PPP1CB: variants seen among roughly 807,000 people sequenced by gnomAD.
PPP1CB encodes serine/threonine-protein phosphatase PP1-beta catalytic subunit.
Under a neutral mutation model 43.7 loss-of-function variants are expected in PPP1CB, and 2 were observed. The observed-to-expected ratio is 0.05, with a 90% CI of 0.02 to 0.14. PPP1CB has a LOEUF of 0.14. PPP1CB is among the 10% of genes least tolerant of loss of function. PPP1CB has a pLI of 1.00. For synonymous variants in PPP1CB, 136 were observed against 135.6 expected (o/e 1.00, Z -0.02); for missense variants, 84 against 398.0 (o/e 0.21, Z 6.71).
At chr2:28,796,253 A>T (rs1182092587) in intron 7 of PPP1CB, among the ~76,000 whole-genome samples, 1 of 152,150 alleles carries the variant, frequency 6.6e-6, no homozygotes, top group Non-Finnish European at 1.5e-5. Context: ...CTTTTTGCTT[A>T]GGATGCTTTG....
intron 1 of PPP1CB, among the ~76,000 whole-genome samples, chr2:28,766,722 A>G (rs916919315): frequency 6.6e-6 from 1 of 152,096 alleles, no homozygotes; most frequent in Non-Finnish European, 1.5e-5. Flanking sequence ...ATTGTTTACT[A>G]ATTTTGCTCC....
At chr2:28,782,124 T>C (rs1362349112) in intron 4 of PPP1CB, 2 of 376,006 alleles carry the variant, frequency 5.3e-6, no homozygotes, top group East Asian at 5.9e-5. Flanking sequence ...ACACCCCTGC[T>C]ATTTATTAGT....
intron 2 of PPP1CB, among the ~76,000 whole-genome samples, chr2:28,777,576 T>G (rs994471280): frequency 6.6e-6 from 1 of 152,250 alleles, no homozygotes; most frequent in African/African-American, 2.4e-5. Flanking sequence ...AGTTTTACAG[T>G]GACTTTTTTA....
Position 28,778,888 on chromosome 2 carries a change from C to A in PPP1CB, c.264C>A (p.Phe88Leu). ...TCCCACCAGAAGCCAACTATCTTTT[C>A]TTAGGAGATTATGTGGACAGAGGAA... Reference protein sequence around the residue: ...GGFPPEANYLFLGDYVDRGKQ... With the variant: ...GGFPPEANYLLLGDYVDRGKQ... Residue 88 changes from phenylalanine to leucine, a missense_variant, in exon 3 of 8, where the codon TTC (phenylalanine) becomes TTA (leucine). Phe to Leu is a conservative substitution (Grantham distance 22). Around this residue, in one of 5 missense-constraint regions of PPP1CB, gnomAD observed 28 missense variants for 234.2 expected, o/e 0.12. Transcript: ENST00000395366. The A allele has an allele frequency of 6.2e-7, 1 of 1,610,534 alleles. No homozygotes were observed. Among genetic ancestry groups the A allele is most frequent in the Non-Finnish European group, 8.5e-7 (1 of 1,176,762 alleles).
At position 28,779,005 on chromosome 2, in the gene PPP1CB, T is replaced by G. The variant is rs1558305353; in HGVS notation, c.381T>G (p.Ala127=). The G allele has an allele frequency of 6.2e-7, 1 of 1,604,090 alleles. No individual in the cohort carries two copies. Among genetic ancestry groups the G allele is most frequent in the Non-Finnish European group, 8.5e-7 (1 of 1,171,462 alleles). ...TCTTAAGAGGAAACCATGAGTGTGC[T>G]AGCATCAATCGCATTTATGGATTCT... ...FFLLRGNHEC[A]SINRIYGFYD... The change falls in exon 3 of 8, where the codon GCT becomes GCG. Residue 127 remains alanine (A), a synonymous_variant. Coordinates refer to ENST00000395366, the MANE Select transcript of PPP1CB (RefSeq NM_002709.3).
At chr2:28,765,243 G>C (rs980987054) in intron 1 of PPP1CB, among the ~76,000 whole-genome samples, 1 of 152,172 alleles carries the variant, frequency 6.6e-6, no homozygotes, top group African/African-American at 2.4e-5. Context: ...CAAAGTTAAT[G>C]TTCTCTGTCA....
intron 5 of PPP1CB, among the ~76,000 whole-genome samples, chr2:28,784,526 C>T (rs1667220579): frequency 6.6e-6 from 1 of 151,942 alleles, no homozygotes; most frequent in Non-Finnish European, 1.5e-5. Flanking sequence ...TTCTGAGTAG[C>T]TAGGGGACTC....
chr2:28,797,049 G>T (rs568261140), intron 7 of PPP1CB, among the ~76,000 whole-genome samples: 3 of 152,194 alleles, frequency 2.0e-5, no homozygotes, highest in African/African-American at 7.2e-5. Context: ...TATGGTGTTT[G>T]TTTTTAATTT....
rs959640006 is a variant in PPP1CB, at chr2:28,759,014, T to C, written c.52+6838T>C. ...CAGTTGCAAGGTGACCAAAACACTTTCTTGGTTTGAGTATAGTCATATGTT... is the reference window on the plus strand; with the variant it reads ...CAGTTGCAAGGTGACCAAAACACTTCCTTGGTTTGAGTATAGTCATATGTT... On this transcript the variant is annotated intron_variant, in intron 1 of 7. Transcript: ENST00000395366. 5.9e-5 allele frequency among the ~76,000 whole-genome samples: 9 copies of C among 152,322 alleles called. No individual in the cohort carries two copies. The East Asian group carries it at 1.4e-3, about 23-fold the overall frequency.
intron 1 of PPP1CB, among the ~76,000 whole-genome samples, chr2:28,772,767 T>A (rs745647319): frequency 7.9e-5 from 12 of 152,194 alleles, no homozygotes; most frequent in Non-Finnish European, 1.6e-4. Flanking sequence ...TAAGCATCCG[T>A]AATCTGATAA....
chr2:28,754,338 G>T (rs573432959), intron 1 of PPP1CB, among the ~76,000 whole-genome samples: 3 of 71,952 alleles, frequency 4.2e-5, no homozygotes, highest in Non-Finnish European at 9.4e-5. Flanking sequence ...TTCCTTTTTT[G>T]GGGGGGCGGG....
intron 6 of PPP1CB, among the ~76,000 whole-genome samples, chr2:28,791,714 G>C (rs1558310572): frequency 6.6e-6 from 1 of 152,074 alleles, no homozygotes; most frequent in Non-Finnish European, 1.5e-5. Flanking sequence ...GAATTGCTAA[G>C]TTTCCTAACT....
At chr2:28,786,402 C>G (rs1428843386) in intron 5 of PPP1CB, among the ~76,000 whole-genome samples, 1 of 152,138 alleles carries the variant, frequency 6.6e-6, no homozygotes, top group Non-Finnish European at 1.5e-5. Flanking sequence ...GCGTGAGCCA[C>G]CATACCTGGC....
chr2:28,766,801 A>G (rs6709674), intron 1 of PPP1CB, among the ~76,000 whole-genome samples: 83,875 of 152,082 alleles, frequency 0.55, 23,597 homozygotes, highest in Middle Eastern at 0.62. Context: ...TTATTGTCTC[A>G]GCTGGGGTGG....
Position 28,799,369 on chromosome 2 carries a change from C to T in PPP1CB, c.*66C>T. The stretch of plus-strand genomic sequence containing the variant: ...ACATACTTCATAATATATAAGTGTG[C>T]ACTGTAAAACCATCCAGCCATTTGA... On this transcript the variant is annotated 3_prime_UTR_variant, in exon 8 of 8. Coordinates refer to ENST00000395366, the MANE Select transcript of PPP1CB (RefSeq NM_002709.3). 1 of 1,272,224 alleles carries T rather than the reference C, an allele frequency of 7.9e-7. No individual in the cohort carries two copies. Among genetic ancestry groups the T allele is most frequent in the Non-Finnish European group, 1.1e-6 (1 of 887,002 alleles). 78.8% of individuals were successfully genotyped at this position (1,272,224 alleles called of 1,614,324 possible). A position where few individuals can be genotyped will look rare whatever the true frequency, so the allele number is the denominator to read the frequency against.
intron 1 of PPP1CB, among the ~76,000 whole-genome samples, chr2:28,756,383 TTGACC>T (rs1423906511): frequency 6.6e-6 from 1 of 152,252 alleles, no homozygotes; most frequent in African/African-American, 2.4e-5. Flanking sequence ...TCATTTAACT[TTGACC>T]TGTCAGATGT....
rs531248760 is a variant in PPP1CB, at chr2:28,794,145, C to T, written c.879+148C>T. 1.4e-5 allele frequency: 9 copies of T among 654,474 alleles called. No homozygotes were observed. In the African/African-American group the frequency reaches 1.7e-4, roughly 12 times the overall value. The allele number at this position is 654,474 out of a possible 1,614,324, so 40.5% of individuals were successfully genotyped here. ...TACCACTCAAACTCATTAGATATTT[C>T]TATTTTCAGTCACAAAGTTTCCAGC... On this transcript the variant is annotated intron_variant, in intron 7 of 7. Coordinates refer to ENST00000395366, the MANE Select transcript of PPP1CB (RefSeq NM_002709.3).
chr2:28,779,958 C>T (rs1667120942), intron 3 of PPP1CB, among the ~76,000 whole-genome samples: 1 of 152,168 alleles, frequency 6.6e-6, no homozygotes, highest in Non-Finnish European at 1.5e-5. Flanking sequence ...CCTTCCCTGT[C>T]CAGCCAAATA....
At chr2:28,760,989 C>T (rs1666631161) in intron 1 of PPP1CB, among the ~76,000 whole-genome samples, 1 of 152,136 alleles carries the variant, frequency 6.6e-6, no homozygotes. Flanking sequence ...CAGCCTCCGC[C>T]TCCTGGGTTC....
Sources: allele counts gnomAD v4.1 joint callset (sites outside exome capture counted in the v4.1 genomes callset), GRCh38; gene constraint gnomAD v4.1.1; regional missense constraint gnomAD v4.1.1; transcripts MANE v1.5; gene names NCBI Gene and HGNC (gene_info 2026-07-23, HGNC 2026-07-21).